The following PCDHGA9 variants were observed in gnomAD, a reference collection of about 807,000 sequenced individuals.
The protein encoded by PCDHGA9 is protocadherin gamma subfamily A, 9.
A neutral mutation model predicts 62.5 loss-of-function variants in PCDHGA9; 37 were observed. That is an observed-to-expected ratio of 0.59 (90% CI 0.46 to 0.78). The LOEUF (loss-of-function observed/expected upper bound fraction) is 0.78, where lower values mean the gene tolerates loss of function less well. Among genes scored for constraint, PCDHGA9 ranks in the 30% least tolerant of loss-of-function variants. The probability of loss-of-function intolerance (pLI) is 0.00; values close to 1 mark genes in which losing one functional copy is unlikely to be tolerated. For missense variants in PCDHGA9, 1,138 were observed against 1,166.2 expected, an observed-to-expected ratio of 0.98 and a Z score of 0.35; for synonymous variants, 459 against 484.6, an observed-to-expected ratio of 0.95 and a Z score of 0.69.
intron 2 of PCDHGA9, among the ~76,000 whole-genome samples, chr5:141,495,662 C>G (rs545912968): frequency 6.6e-6 from 1 of 152,138 alleles, no homozygotes; most frequent in Admixed American, 6.6e-5. Flanking sequence ...TGATCTGTGC[C>G]GCCCACTGTG....
Position 141,491,205 on chromosome 5 carries a change from A to G in PCDHGA9, c.2425-3602A>G, listed in dbSNP as rs2233609. 2,395 of 1,613,578 alleles carry G rather than the reference A, an allele frequency of 1.5e-3. 36 individuals are homozygous for G. The African/African-American group carries it at 0.028, about 19-fold the overall frequency. On this transcript the variant is annotated intron_variant, in intron 1 of 3. Coordinates refer to ENST00000573521, the MANE Select transcript of PCDHGA9 (RefSeq NM_018921.3). This position sits in a 1 kb window ranked among gnomAD's most constrained non-coding sequence, Gnocchi z 6.9. The stretch of plus-strand genomic sequence containing the variant: ...TGGTGAGGGACAATGGTGACCCTTC[A>G]CTCTCCTCCACAGCCACAGTGCTGC...
intron 2 of PCDHGA9, among the ~76,000 whole-genome samples, chr5:141,498,872 G>T (rs912789877): frequency 1.4e-4 from 21 of 151,650 alleles, no homozygotes; most frequent in Non-Finnish European, 2.9e-4. Flanking sequence ...GGCGGAGGTT[G>T]CAGTGAGCTG....
Position 141,489,680 on chromosome 5 carries a change from C to T in PCDHGA9, c.2425-5127C>T, listed in dbSNP as rs758765306. On this transcript the variant is annotated intron_variant, in intron 1 of 3. Coordinates refer to ENST00000573521, the MANE Select transcript of PCDHGA9 (RefSeq NM_018921.3). This position sits in a 1 kb window ranked among gnomAD's most constrained non-coding sequence, Gnocchi z 4.5. ...GAGATGCGCATCTCAGAATCAGCAG[C>T]ATCTGGGGCACGATTCCCACTGGAC... 2 of 1,614,070 alleles carry T rather than the reference C, an allele frequency of 1.2e-6. No individual in the cohort carries two copies. The highest frequency in any genetic ancestry group is 2.2e-5 in the East Asian group (1 of 44,886).
chr5:141,441,310 C>T (rs2098239133), intron 1 of PCDHGA9: 1 of 152,154 alleles, frequency 6.6e-6, no homozygotes, highest in Non-Finnish European at 1.5e-5. Context: ...AGAAAATGCA[C>T]CTTGAGAAAA....
At chr5:141,499,648 CAT>C (rs1434824310) in intron 2 of PCDHGA9, among the ~76,000 whole-genome samples, 2 of 148,784 alleles carry the variant, frequency 1.3e-5, no homozygotes, top group Admixed American at 6.7e-5. Flanking sequence ...TCTCAGACAT[CAT>C]ATAATTTCAT....
At chr5:141,413,306 A>G in intron 1 of PCDHGA9, 1 of 1,613,958 alleles carries the variant, frequency 6.2e-7, no homozygotes, top group Non-Finnish European at 8.5e-7. Context: ...GAGGAATTAG[A>G]GAAAGGCTCT....
intron 2 of PCDHGA9, among the ~76,000 whole-genome samples, chr5:141,501,287 TTA>T (rs1491235092): frequency 6.2e-5 from 6 of 96,980 alleles, no homozygotes; most frequent in African/African-American, 2.5e-4. Context: ...GGATATTCCC[TTA>T]TACACACACA....
chr5:141,402,812 C>A lies in PCDHGA9; in HGVS notation c.-141C>A. 1 of 1,243,796 alleles carries A rather than the reference C, an allele frequency of 8.0e-7. No homozygotes were observed. The highest frequency in any genetic ancestry group is 1.1e-6 in the Non-Finnish European group (1 of 931,802). 77.0% of individuals were successfully genotyped at this position (1,243,796 alleles called of 1,614,324 possible). ...GCTACACAAAACCCGGCAGATACCA[C>A]AAACCTGCTCCCAGGCTGCAGCAAA... On this transcript the variant is annotated 5_prime_UTR_variant, in exon 1 of 4. Coordinates refer to ENST00000573521, the MANE Select transcript of PCDHGA9 (RefSeq NM_018921.3).
At position 141,431,398 on chromosome 5, in the gene PCDHGA9, G is replaced by A. The variant is rs1052461071; in HGVS notation, c.2424+26022G>A. ...AGGCTGCTCACCACCTGGTCCTTACGGCCTCCGACGGGGGCGACCCGGTGC... is the reference window on the plus strand; with the variant it reads ...AGGCTGCTCACCACCTGGTCCTTACAGCCTCCGACGGGGGCGACCCGGTGC... On this transcript the variant is annotated intron_variant, in intron 1 of 3. Coordinates refer to ENST00000573521, the MANE Select transcript of PCDHGA9 (RefSeq NM_018921.3). This position sits in a 1 kb window ranked among gnomAD's most constrained non-coding sequence, Gnocchi z 4.8. The A allele has an allele frequency of 6.8e-6, 11 of 1,613,768 alleles. No homozygotes were observed. Among genetic ancestry groups the A allele is most frequent in the Non-Finnish European group, 9.3e-6 (11 of 1,180,036 alleles).
At chr5:141,449,261 G>A (rs148515123) in intron 1 of PCDHGA9, among the ~76,000 whole-genome samples, 101 of 152,156 alleles carry the variant, frequency 6.6e-4, no homozygotes, top group Non-Finnish European at 1.3e-3. Flanking sequence ...ATTGTACAAA[G>A]AACTGTATCT....
chr5:141,418,945 A>G, intron 1 of PCDHGA9: 3 of 1,614,062 alleles, frequency 1.9e-6, no homozygotes, highest in Non-Finnish European at 2.5e-6. Flanking sequence ...ATTCCCCTCC[A>G]GGAGTGGTTG....
At chr5:141,461,394 G>A (rs2099014614) in intron 1 of PCDHGA9, among the ~76,000 whole-genome samples, 1 of 152,098 alleles carries the variant, frequency 6.6e-6, no homozygotes. Flanking sequence ...GATTAGCGAT[G>A]TTGAGCATTT....
Position 141,486,740 on chromosome 5 carries a change from T to G in PCDHGA9, c.2425-8067T>G. Reference sequence around the variant, plus strand: ...AGGAGCTGTTCATGCTACTCGATCCTTTGACTATGAGCAAACCCAGACACT... The same window carrying G: ...AGGAGCTGTTCATGCTACTCGATCCGTTGACTATGAGCAAACCCAGACACT... On this transcript the variant is annotated intron_variant, in intron 1 of 3. Transcript: ENST00000573521. This position sits in a 1 kb window ranked among gnomAD's most constrained non-coding sequence, Gnocchi z 5.0. 6.2e-7 allele frequency: 1 copy of G among 1,614,234 alleles called. No individual in the cohort carries two copies. The highest frequency in any genetic ancestry group is 8.5e-7 in the Non-Finnish European group (1 of 1,180,046).
chr5:141,416,306 G>A (rs1186519939), intron 1 of PCDHGA9: 1 of 152,186 alleles, frequency 6.6e-6, no homozygotes, highest in Non-Finnish European at 1.5e-5. Flanking sequence ...CTATGTGGAA[G>A]ATATAGCATT....
At chr5:141,420,883 C>A (rs992351503) in intron 1 of PCDHGA9, among the ~76,000 whole-genome samples, 1 of 152,216 alleles carries the variant, frequency 6.6e-6, no homozygotes, top group Non-Finnish European at 1.5e-5. Context: ...TATTGTGTAT[C>A]ATCGTTTTTA....
At chr5:141,427,410 G>GA (rs1197961039) in intron 1 of PCDHGA9, 3 of 463,834 alleles carry the variant, frequency 6.5e-6, no homozygotes, top group African/African-American at 2.0e-5. Flanking sequence ...AGATTCGAGA[G>GA]AAAATGGGGA....
chr5:141,423,237 C>T (rs761825236), intron 1 of PCDHGA9: 74 of 1,613,798 alleles, frequency 4.6e-5, no homozygotes, highest in Middle Eastern at 3.3e-4. Flanking sequence ...ACAGCATCCC[C>T]GAAGTCCTGG....
In PCDHGA9 at chr5:141,404,353, A is replaced by G. The variant is rs778714799; in HGVS notation, c.1401A>G (p.Arg467=). The part of the protein sequence containing the change: ...YSVYLPENNA[R]GTSIFSVIAY... ...TCTACCTCCCGGAAAACAACGCCAGAGGTACTTCCATCTTCTCCGTGATTG... is the reference window on the plus strand; with the variant it reads ...TCTACCTCCCGGAAAACAACGCCAGGGGTACTTCCATCTTCTCCGTGATTG... Residue 467 remains arginine (R), a synonymous_variant, in exon 1 of 4, where the codon AGA becomes AGG. Coordinates refer to ENST00000573521, the MANE Select transcript of PCDHGA9 (RefSeq NM_018921.3). 2.0e-5 allele frequency: 33 copies of G among 1,613,948 alleles called. No individual in the cohort carries two copies. In the Admixed American group the frequency reaches 5.5e-4, roughly 27 times the overall value.
At chr5:141,415,538 G>A in intron 1 of PCDHGA9, 1 of 1,614,182 alleles carries the variant, frequency 6.2e-7, no homozygotes, top group Non-Finnish European at 8.5e-7. Flanking sequence ...AGCCAGGAGA[G>A]CTGTGAGAAA....
Sources: allele counts gnomAD v4.1 joint callset (sites outside exome capture counted in the v4.1 genomes callset), GRCh38; gene constraint gnomAD v4.1.1; non-coding constraint Gnocchi (gnomAD v3.1); transcripts MANE v1.5; gene names NCBI Gene and HGNC (gene_info 2026-07-23, HGNC 2026-07-21).